The following FLT1 variants were observed in gnomAD, a reference collection of about 807,000 sequenced individuals.
FLT1 encodes fms related receptor tyrosine kinase 1.
In FLT1, 49 loss-of-function variants were observed where a neutral mutation model predicts 156.3. The observed-to-expected ratio is 0.31, with a 90% CI of 0.25 to 0.40. The LOEUF (loss-of-function observed/expected upper bound fraction) is 0.40, where lower values mean the gene tolerates loss of function less well. Ranked by LOEUF, FLT1 falls within the 10% of genes least tolerant of loss-of-function variation. The pLI is 1.00. For synonymous variants in FLT1, 594 were observed against 583.8 expected (o/e 1.02, Z -0.25); for missense variants, 1,322 against 1,637.2 (o/e 0.81, Z 3.32).
intron 10 of FLT1, among the ~76,000 whole-genome samples, chr13:28,418,086 CT>C (rs1190075599): frequency 2.0e-5 from 3 of 152,162 alleles, no homozygotes. Context: ...TCAAATACCC[CT>C]GGATGGTGGG....
At chr13:28,456,594 G>C (rs990056113) in intron 3 of FLT1, among the ~76,000 whole-genome samples, 8 of 151,992 alleles carry the variant, frequency 5.3e-5, no homozygotes, top group Non-Finnish European at 8.8e-5. Context: ...TCAGGAGCTC[G>C]AGACCAGCCT....
intron 18 of FLT1, among the ~76,000 whole-genome samples, chr13:28,330,628 G>T (rs1377972885): frequency 6.9e-6 from 1 of 144,184 alleles, no homozygotes; most frequent in Admixed American, 6.8e-5. Context: ...TGATATATAT[G>T]ACTATATATA....
intron 3 of FLT1, among the ~76,000 whole-genome samples, chr13:28,458,064 A>G (rs1879366214): frequency 6.6e-6 from 1 of 150,490 alleles, no homozygotes; most frequent in African/African-American, 2.5e-5. Flanking sequence ...CCTCCCGAGT[A>G]GCTGGGACTA....
intron 18 of FLT1, 91 bp from the exon 19 acceptor site, chr13:28,329,819 C>CT: frequency 9.6e-7 from 1 of 1,044,096 alleles, no homozygotes. Context: ...TTTGTCAATG[C>CT]TCAGCCGGTT....
At chr13:28,407,944 C>T (rs947825093) in intron 10 of FLT1, among the ~76,000 whole-genome samples, 6 of 152,086 alleles carry the variant, frequency 3.9e-5, no homozygotes, top group African/African-American at 7.2e-5. Flanking sequence ...GTTAATCTTG[C>T]GTTAGACTTG....
chr13:28,399,493 A>T (rs1875293311), intron 11 of FLT1, among the ~76,000 whole-genome samples: 1 of 152,178 alleles, frequency 6.6e-6, no homozygotes, highest in South Asian at 2.1e-4. Context: ...CGAGAACAAG[A>T]ACTGGGTTTC....
At chr13:28,470,352 C>T (rs1301656424) in intron 1 of FLT1, among the ~76,000 whole-genome samples, 1 of 152,212 alleles carries the variant, frequency 6.6e-6, no homozygotes, top group East Asian at 1.9e-4. Context: ...ACTTCCATGC[C>T]AGAATAGTTT....
chr13:28,385,973 G>T, intron 13 of FLT1: 1 of 1,050,758 alleles, frequency 9.5e-7, no homozygotes, highest in Non-Finnish European at 1.1e-6. Flanking sequence ...AACTCCTAAT[G>T]TCTTTCCCAC....
At position 28,311,595 on chromosome 13, in the gene FLT1, A is replaced by G; in HGVS notation, c.3630T>C (p.Asp1210=). The change falls in exon 27 of 30, where the codon GAT becomes GAC. Residue 1210 remains aspartate, a synonymous_variant. Transcript: ENST00000282397. ...APKFNSGSSD[D]VRYVNAFKFM... is the part of the protein sequence containing the mutation. The stretch of plus-strand genomic sequence containing the variant: ...GTTTGAGAAAGAAATCTTACCTGAC[A>G]TCATCAGAGCTTCCTGAATTAAACT... 1.2e-6 allele frequency: 2 copies of G among 1,613,160 alleles called. No homozygotes were observed.
intron 16 of FLT1, among the ~76,000 whole-genome samples, chr13:28,344,420 T>C (rs1593696453): frequency 6.6e-6 from 1 of 152,206 alleles, no homozygotes; most frequent in African/African-American, 2.4e-5. Flanking sequence ...CTCTTTCAGC[T>C]AACTCAGAGT....
chr13:28,319,026 T>C (rs1313559139), intron 24 of FLT1, among the ~76,000 whole-genome samples: 1 of 152,198 alleles, frequency 6.6e-6, no homozygotes, highest in African/African-American at 2.4e-5. Context: ...GTTATGGCCT[T>C]TCCTAGGAAG....
intron 11 of FLT1, among the ~76,000 whole-genome samples, chr13:28,397,749 CGTGT>C (rs35710786): frequency 0.046 from 5,962 of 129,728 alleles, 165 homozygotes; most frequent in East Asian, 0.15. Flanking sequence ...TGAAGGAGAC[CGTGT>C]GTGTGTGTGT....
At chr13:28,453,317 T>G (rs1039706853) in intron 3 of FLT1, among the ~76,000 whole-genome samples, 1 of 151,886 alleles carries the variant, frequency 6.6e-6, no homozygotes, top group African/African-American at 2.4e-5. Context: ...GAGATGGGGT[T>G]TCACCATGTT....
chr13:28,388,340 T>G lies in FLT1; in HGVS notation c.1969+1456A>C. 3.8e-6 allele frequency: 4 copies of G among 1,058,058 alleles called. No homozygotes were observed. In the South Asian group the frequency reaches 1.4e-4, roughly 36 times the overall value. The allele number at this position is 1,058,058 out of a possible 1,614,324, so 65.5% of individuals were successfully genotyped here. On this transcript the variant is annotated intron_variant, in intron 13 of 29. Coordinates refer to ENST00000282397, the MANE Select transcript of FLT1 (RefSeq NM_002019.4). ...TAGCCGTGGGACAGAATCTGTTACC[T>G]AAAGGAGGAAACAGTCTGGTGAGTT... is the stretch of plus-strand genomic sequence containing the variant.
chr13:28,404,384 G>C (rs1393239371), intron 11 of FLT1, among the ~76,000 whole-genome samples: 1 of 152,212 alleles, frequency 6.6e-6, no homozygotes, highest in Non-Finnish European at 1.5e-5. Flanking sequence ...ATACTTTTAA[G>C]CTGTCTTTGG....
Position 28,373,324 on chromosome 13 carries a change from A to T in FLT1, c.2116+11561T>A, listed in dbSNP as rs565978575. Among the ~76,000 whole-genome samples the T allele has an allele frequency of 4.6e-5, 7 of 152,296 alleles. No homozygotes were observed. In the South Asian group the frequency reaches 1.4e-3, roughly 32 times the overall value. On this transcript the variant is annotated intron_variant, in intron 14 of 29. Coordinates refer to ENST00000282397, the MANE Select transcript of FLT1 (RefSeq NM_002019.4). ...GTTTAAGTCTCCTTGGTAGCAGGAG[A>T]TTATATAAAAATCAGGTTTATCATT...
At chr13:28,468,100 G>A (rs1879951872) in intron 1 of FLT1, among the ~76,000 whole-genome samples, 1 of 152,052 alleles carries the variant, frequency 6.6e-6, no homozygotes, top group East Asian at 1.9e-4. Context: ...ATTTTCCTGG[G>A]CTCTGAATTT....
At chr13:28,350,790 TGGA>T (rs1456521807) in intron 15 of FLT1, among the ~76,000 whole-genome samples, 1 of 152,140 alleles carries the variant, frequency 6.6e-6, no homozygotes, top group African/African-American at 2.4e-5. Context: ...CCTTACAAAG[TGGA>T]GATAACAGCC....
intron 14 of FLT1, among the ~76,000 whole-genome samples, chr13:28,360,058 C>CT (rs36020197): frequency 0.7 from 107,006 of 151,976 alleles, 38,323 homozygotes; most frequent in Admixed American, 0.79. Context: ...TTGCAGTGAG[C>CT]GAGATCGTGC....
Sources: allele counts gnomAD v4.1 joint callset (sites outside exome capture counted in the v4.1 genomes callset), GRCh38; gene constraint gnomAD v4.1.1; transcripts MANE v1.5; gene names NCBI Gene and HGNC (gene_info 2026-07-23, HGNC 2026-07-21).